Variants in LRFN2 observed in about 807,000 individuals in gnomAD.
The protein encoded by LRFN2 is leucine rich repeat and fibronectin type III domain containing 2, also known as leucine-rich repeat and fibronectin type-III domain-containing protein 2.
Under a neutral mutation model 37.3 loss-of-function variants are expected in LRFN2, and 18 were observed. The ratio of observed to expected loss-of-function variants is 0.48; its 90% CI spans 0.33 to 0.72. The LOEUF (loss-of-function observed/expected upper bound fraction) is 0.72, where lower values mean the gene tolerates loss of function less well. Ranked by LOEUF, LRFN2 falls within the 30% of genes least tolerant of loss-of-function variation. The pLI is 0.02. For synonymous variants in LRFN2, 556 were observed against 466.6 expected (o/e 1.19, Z -2.47); for missense variants, 1,006 against 1,060.7 (o/e 0.95, Z 0.72).
At chr6:40,419,896 G>A (rs1001443035) in intron 2 of LRFN2, among the ~76,000 whole-genome samples, 2 of 152,174 alleles carry the variant, frequency 1.3e-5, no homozygotes, top group East Asian at 1.9e-4. Flanking sequence ...ATTCATTTAC[G>A]TTTTAACCTT....
chr6:40,478,522 T>C (rs1764756819), intron 1 of LRFN2, among the ~76,000 whole-genome samples: 1 of 152,152 alleles, frequency 6.6e-6, no homozygotes, highest in Admixed American at 6.5e-5. Context: ...GTCACACAGC[T>C]GGAAAGCAGC....
intron 1 of LRFN2, among the ~76,000 whole-genome samples, chr6:40,576,763 G>T (rs1767287352): frequency 6.6e-6 from 1 of 152,126 alleles, no homozygotes; most frequent in Non-Finnish European, 1.5e-5. Context: ...TTGGGTCCTG[G>T]CCAGCCTGGC....
chr6:40,480,467 G>T (rs9471353), intron 1 of LRFN2, among the ~76,000 whole-genome samples: 1 of 151,668 alleles, frequency 6.6e-6, no homozygotes, highest in Non-Finnish European at 1.5e-5. Context: ...TGTAGAGATG[G>T]GGGTCTTACT....
At chr6:40,441,487 C>T (rs182156899) in intron 1 of LRFN2, among the ~76,000 whole-genome samples, 1 of 152,110 alleles carries the variant, frequency 6.6e-6, no homozygotes, top group African/African-American at 2.4e-5. Context: ...CAGTGGGGGC[C>T]TGGATGTGAG....
At chr6:40,517,516 G>A (rs1213287775) in intron 1 of LRFN2, 1 of 152,194 alleles carries the variant, frequency 6.6e-6, no homozygotes, top group Non-Finnish European at 1.5e-5. Flanking sequence ...TGTGGCCCCT[G>A]GACAAAGGCA....
rs546544633 is a variant in LRFN2, at chr6:40,480,449, T to A, written c.-18-47318A>T. Among the ~76,000 whole-genome samples the A allele has an allele frequency of 5.9e-5, 9 of 152,234 alleles. No individual in the cohort carries two copies. In the East Asian group the frequency reaches 1.5e-3, roughly 26 times the overall value. ...ATGTGCCAGAACACCGGTTATTTTT[T>A]AAATTTTTGTAGAGATGGGGGTCTT... On this transcript the variant is annotated intron_variant, in intron 1 of 2. Transcript: ENST00000338305.
At chr6:40,474,765 C>T (rs1764673948) in intron 1 of LRFN2, among the ~76,000 whole-genome samples, 1 of 152,202 alleles carries the variant, frequency 6.6e-6, no homozygotes, top group Non-Finnish European at 1.5e-5. Flanking sequence ...GCTGGGATTA[C>T]AGTTGTGAGT....
In LRFN2 at chr6:40,519,762, T is replaced by C. The variant is rs547874394; in HGVS notation, c.-19+67179A>G. Among the ~76,000 whole-genome samples the C allele has an allele frequency of 4.3e-4, 65 of 152,312 alleles. 1 individual carries two copies. The highest frequency in any genetic ancestry group is 1.0e-3 in the Admixed American group (16 of 15,310). ...GAAAGGTGATGTGTAAAAGGTGCCC[T>C]GATAACAAACAGGGGAAGCAGGTGA... On this transcript the variant is annotated intron_variant, in intron 1 of 2. Coordinates refer to ENST00000338305, the MANE Select transcript of LRFN2 (RefSeq NM_020737.3).
At chr6:40,483,561 C>G (rs1764882959) in intron 1 of LRFN2, among the ~76,000 whole-genome samples, 1 of 152,216 alleles carries the variant, frequency 6.6e-6, no homozygotes, top group Non-Finnish European at 1.5e-5. Context: ...GTGTGCCAGT[C>G]TCTATTTCAG....
intron 1 of LRFN2, among the ~76,000 whole-genome samples, chr6:40,525,783 C>G (rs894489734): frequency 5.9e-5 from 9 of 152,070 alleles, no homozygotes; most frequent in African/African-American, 2.2e-4. Flanking sequence ...TGCCAGGCCT[C>G]CAACCACCAG....
intron 1 of LRFN2, among the ~76,000 whole-genome samples, chr6:40,565,592 C>G (rs528243925): frequency 3.8e-4 from 58 of 152,268 alleles, no homozygotes; most frequent in African/African-American, 1.3e-3. Flanking sequence ...CTATCTACAA[C>G]CATCTGATCT....
At chr6:40,489,399 G>T (rs1027450650) in intron 1 of LRFN2, among the ~76,000 whole-genome samples, 16 of 152,212 alleles carry the variant, frequency 1.1e-4, no homozygotes, top group African/African-American at 3.6e-4. Flanking sequence ...GCCCATCTGA[G>T]GTGTGCGGTT....
intron 1 of LRFN2, among the ~76,000 whole-genome samples, chr6:40,576,967 C>T (rs1042164818): frequency 1.3e-5 from 2 of 152,128 alleles, no homozygotes; most frequent in Non-Finnish European, 2.9e-5. Flanking sequence ...GTTCCTGCAC[C>T]CTGACACCCC....
At chr6:40,539,345 TG>T (rs1317166935) in intron 1 of LRFN2, among the ~76,000 whole-genome samples, 1 of 152,210 alleles carries the variant, frequency 6.6e-6, no homozygotes, top group Non-Finnish European at 1.5e-5. Flanking sequence ...GTTTCTTCCC[TG>T]GCAGCCTGGC....
intron 1 of LRFN2, among the ~76,000 whole-genome samples, chr6:40,519,035 A>C (rs1033193484): frequency 2.0e-5 from 3 of 152,162 alleles, no homozygotes; most frequent in Non-Finnish European, 4.4e-5. Context: ...GGCAAACCCC[A>C]GGGGTGCTAA....
At chr6:40,518,582 G>T (rs1176187714) in intron 1 of LRFN2, among the ~76,000 whole-genome samples, 2 of 152,164 alleles carry the variant, frequency 1.3e-5, no homozygotes, top group East Asian at 3.9e-4. Flanking sequence ...CCCAGGGTAA[G>T]CACCTAGTAA....
chr6:40,457,890 A>G (rs1282185359), intron 1 of LRFN2, among the ~76,000 whole-genome samples: 1 of 152,146 alleles, frequency 6.6e-6, no homozygotes, highest in African/African-American at 2.4e-5. Flanking sequence ...GACAGATATG[A>G]TCATCCAGCC....
rs930689331 is a variant in LRFN2 at position 40,432,922 on chromosome 6, G to A, written c.192C>T (p.Ile64=). The A allele has an allele frequency of 3.7e-6, 6 of 1,614,118 alleles. No homozygotes were observed. Among genetic ancestry groups the A allele is most frequent in the Non-Finnish European group, 5.1e-6 (6 of 1,179,936 alleles). ...CAAAGTCCTGGCGGCTGATGTGGAT[G>A]ATGAAGTTGCCGCCCAGGCGCAGCT... The part of the protein sequence containing the change: ...TVELRLGGNF[I]IHISRQDFAN... Residue 64 remains isoleucine, a synonymous_variant, in exon 2 of 3, where the codon ATC becomes ATT. Coordinates refer to ENST00000338305, the MANE Select transcript of LRFN2 (RefSeq NM_020737.3).
chr6:40,503,617 T>C (rs1398128547), intron 1 of LRFN2, among the ~76,000 whole-genome samples: 1 of 151,980 alleles, frequency 6.6e-6, no homozygotes, highest in Non-Finnish European at 1.5e-5. Context: ...CACAAATCTG[T>C]AGATAATCCA....
Sources: gnomAD v4.1 joint callset for allele counts (sites outside exome capture counted in the v4.1 genomes callset) on GRCh38, gnomAD v4.1.1 for gene constraint, MANE v1.5 for transcripts, NCBI Gene and HGNC (gene_info 2026-07-23, HGNC 2026-07-21) for gene names.